SAXO1: variants seen among roughly 807,000 people sequenced by gnomAD.
The protein encoded by SAXO1 is 4930500O09Rik.
In SAXO1, 21 loss-of-function variants were observed where a neutral mutation model predicts 17.5. That is an observed-to-expected ratio of 1.20 (90% confidence interval 0.85 to 1.72). SAXO1 has a LOEUF of 1.72. Among genes scored for constraint, SAXO1 ranks in the 40% most tolerant of loss-of-function variants. The probability of loss-of-function intolerance (pLI) is 0.00; values close to 1 mark genes in which losing one functional copy is unlikely to be tolerated. For synonymous variants in SAXO1, 274 were observed against 216.5 expected (o/e 1.27, Z -2.33); for missense variants, 843 against 596.0 (o/e 1.41, Z -4.32).
At chr9:18,976,456 T>C (rs1480862283) in intron 1 of SAXO1, among the ~76,000 whole-genome samples, 4 of 152,162 alleles carry the variant, frequency 2.6e-5, no homozygotes, top group Non-Finnish European at 5.9e-5. Flanking sequence ...AACTTGGTAA[T>C]ATGATTGAGA....
intron 1 of SAXO1, among the ~76,000 whole-genome samples, chr9:19,022,007 G>C (rs545188188): frequency 6.6e-6 from 1 of 152,340 alleles, no homozygotes; most frequent in East Asian, 1.9e-4. Flanking sequence ...CCCCATTGTG[G>C]AAGCTTTGTT....
In SAXO1 at chr9:19,042,184, T is replaced by TA. The variant is rs540857819; in HGVS notation, c.-158+7024dup. Among the ~76,000 whole-genome samples the TA allele has an allele frequency of 4.4e-3, 675 of 152,166 alleles. 2 individuals are homozygous for TA. Among genetic ancestry groups the TA allele is most frequent in the African/African-American group, 0.016 (649 of 41,496 alleles). On this transcript the variant is annotated intron_variant, in intron 1 of 3. Transcript: ENST00000542071. ...AACATACAAATGGCAAACAGGCATA[T>TA]AAAAAAGTGCTCAAAATCATGGATC...
Position 19,032,711 on chromosome 9 carries a change from C to T in SAXO1, c.38+160G>A, listed in dbSNP as rs565197088. On this transcript the variant is annotated intron_variant, in intron 1 of 3. Transcript: ENST00000380534. ...TTCGCCAGAACTGATGTGGCGTCCGCGGGCACAACGCTAGTTGACACAATT... is the reference window on the plus strand; with the variant it reads ...TTCGCCAGAACTGATGTGGCGTCCGTGGGCACAACGCTAGTTGACACAATT... Among the ~76,000 whole-genome samples the T allele has an allele frequency of 3.9e-5, 6 of 152,344 alleles. 1 individual carries two copies. The highest frequency in any genetic ancestry group is 2.1e-4 in the South Asian group (1 of 4,826).
In SAXO1 at chr9:18,999,559, G is replaced by A. The variant is rs113626084; in HGVS notation, c.38+33312C>T. Among the ~76,000 whole-genome samples, 59 of 77,866 alleles carry A rather than the reference G, an allele frequency of 7.6e-4. 2 individuals carry two copies. The highest frequency in any genetic ancestry group is 1.2e-3 in the Non-Finnish European group (47 of 39,256). 51.1% of individuals were successfully genotyped at this position (77,866 alleles called of 152,430 possible). ...CACCGTCTGGGAAGTGAGGAGCGCCGCTGCCTGGCCGCCACACCATCTGGG... is the reference window on the plus strand; with the variant it reads ...CACCGTCTGGGAAGTGAGGAGCGCCACTGCCTGGCCGCCACACCATCTGGG... On this transcript the variant is annotated intron_variant, in intron 1 of 3. Transcript: ENST00000380534.
chr9:19,030,775 A>C (rs1835729408), intron 1 of SAXO1, among the ~76,000 whole-genome samples: 1 of 152,180 alleles, frequency 6.6e-6, no homozygotes, highest in South Asian at 2.1e-4. Context: ...ATGATTCAAA[A>C]TTTTCACCCA....
chr9:18,976,841 C>A (rs937416724), intron 1 of SAXO1, among the ~76,000 whole-genome samples: 7 of 152,176 alleles, frequency 4.6e-5, no homozygotes, highest in South Asian at 4.1e-4. Flanking sequence ...TACATGCACA[C>A]GTGTGCACAC....
intron 1 of SAXO1, among the ~76,000 whole-genome samples, chr9:18,968,526 G>T (rs1362965553): frequency 2.0e-5 from 3 of 151,746 alleles, no homozygotes; most frequent in Non-Finnish European, 2.9e-5. Flanking sequence ...GTGAAAAAAA[G>T]TTTCTAAAAC....
intron 1 of SAXO1, among the ~76,000 whole-genome samples, chr9:19,021,005 C>G (rs1835210480): frequency 6.6e-6 from 1 of 152,140 alleles, no homozygotes; most frequent in Admixed American, 6.5e-5. Context: ...GTTGCAAGGC[C>G]AATTGTTTCC....
chr9:18,974,889 A>T (rs1479383401), intron 1 of SAXO1, among the ~76,000 whole-genome samples: 2 of 152,204 alleles, frequency 1.3e-5, no homozygotes, highest in Admixed American at 6.5e-5. Context: ...AAGTTTTGAT[A>T]ACAAACAGGA....
intron 1 of SAXO1, among the ~76,000 whole-genome samples, chr9:18,988,544 TTTA>T (rs752992908): frequency 2.6e-5 from 4 of 152,188 alleles, no homozygotes; most frequent in Non-Finnish European, 4.4e-5. Flanking sequence ...CATTCTACAG[TTTA>T]TTAAGTTCTT....
chr9:19,043,951 T>C (rs2130570), intron 1 of SAXO1, among the ~76,000 whole-genome samples: 70,770 of 151,736 alleles, frequency 0.47, 17,526 homozygotes, highest in African/African-American at 0.64. Context: ...TCGAGACCAG[T>C]CTGGCCAACA....
At chr9:18,998,037 C>A (rs1834085294) in intron 1 of SAXO1, among the ~76,000 whole-genome samples, 1 of 152,118 alleles carries the variant, frequency 6.6e-6, no homozygotes, top group South Asian at 2.1e-4. Flanking sequence ...GCTGAAAATT[C>A]CAAAAACCAG....
intron 1 of SAXO1, among the ~76,000 whole-genome samples, chr9:19,029,949 T>C (rs931026017): frequency 1.3e-5 from 2 of 152,210 alleles, no homozygotes; most frequent in South Asian, 4.1e-4. Flanking sequence ...GAAAACTGTG[T>C]TGCTATGATA....
At chr9:18,978,954 G>C (rs940165998) in intron 1 of SAXO1, among the ~76,000 whole-genome samples, 2 of 152,102 alleles carry the variant, frequency 1.3e-5, no homozygotes, top group African/African-American at 4.8e-5. Flanking sequence ...AGACTCCAAG[G>C]CCTCAGCATC....
chr9:18,950,690 C>T, intron 2 of SAXO1, 68 bp downstream of exon 2: 4 of 1,379,620 alleles, frequency 2.9e-6, no homozygotes, highest in Middle Eastern at 3.7e-4. Context: ...TAATATTATA[C>T]ATTAGCACTG....
At chr9:18,997,394 G>A (rs1316110739) in intron 1 of SAXO1, among the ~76,000 whole-genome samples, 1 of 152,238 alleles carries the variant, frequency 6.6e-6, no homozygotes, top group Non-Finnish European at 1.5e-5. Flanking sequence ...TAAGAGGAGG[G>A]GCATCTGCCA....
intron 1 of SAXO1, among the ~76,000 whole-genome samples, chr9:19,048,096 C>T (rs1836264421): frequency 6.6e-6 from 1 of 152,192 alleles, no homozygotes; most frequent in Admixed American, 6.5e-5. Flanking sequence ...CACACGTTAA[C>T]AGTAGGAATT....
intron 3 of SAXO1, among the ~76,000 whole-genome samples, chr9:18,932,308 C>T (rs1831088330): frequency 6.6e-6 from 1 of 152,222 alleles, no homozygotes; most frequent in African/African-American, 2.4e-5. Context: ...ACTGAAGTGC[C>T]TAGGCATCTT....
chr9:18,975,764 A>AT lies in SAXO1; in HGVS notation c.39-24828dup, dbSNP rs1833123279. Among the ~76,000 whole-genome samples the AT allele has an allele frequency of 2.0e-5, 3 of 152,318 alleles. No homozygotes were observed. In the South Asian group the frequency reaches 6.2e-4, roughly 32 times the overall value. ...TCTAGCCATTGTCAGAGCACATATT[A>AT]TGGTGGAGTGAGCACGTAAAACATT... is the stretch of plus-strand genomic sequence containing the variant. On this transcript the variant is annotated intron_variant, in intron 1 of 3. Transcript: ENST00000380534.
Sources: allele counts gnomAD v4.1 joint callset (sites outside exome capture counted in the v4.1 genomes callset), GRCh38; gene constraint gnomAD v4.1.1; transcripts MANE v1.5; gene names NCBI Gene and HGNC (gene_info 2026-07-23, HGNC 2026-07-21).